Variants in LMOD1 observed in about 807,000 individuals in gnomAD.
LMOD1 encodes the protein leiomodin 1, also known as leiomodin-1.
In LMOD1, 8 loss-of-function variants were observed where a neutral mutation model predicts 36.5. The ratio of observed to expected loss-of-function variants is 0.22; its 90% CI spans 0.13 to 0.40. The LOEUF (loss-of-function observed/expected upper bound fraction) is 0.40, where lower values mean the gene tolerates loss of function less well. LMOD1 is among the 10% of genes least tolerant of loss of function. LMOD1 has a pLI of 1.00. For synonymous variants in LMOD1, 284 were observed against 288.7 expected, an observed-to-expected ratio of 0.98 and a Z score of 0.17; for missense variants, 630 against 751.1, an observed-to-expected ratio of 0.84 and a Z score of 1.88.
At chr1:201,912,539 C>G (rs1681510558) in intron 1 of LMOD1, among the ~76,000 whole-genome samples, 1 of 152,128 alleles carries the variant, frequency 6.6e-6, no homozygotes, top group Non-Finnish European at 1.5e-5. Flanking sequence ...ATAGTAGATG[C>G]TGAGAATTGC....
Position 201,897,119 on chromosome 1 carries a change from T to C in LMOD1, c.*1253A>G. On this transcript the variant is annotated 3_prime_UTR_variant, in exon 3 of 3. Coordinates refer to ENST00000367288, the MANE Select transcript of LMOD1 (RefSeq NM_012134.3). ...CCTGCAGTTGGGGCAGGAAGTGGAA[T>C]TGGTGAGCAGGTGGGGAGGGCTGGG... is the stretch of plus-strand genomic sequence containing the variant. 1 of 257,976 alleles carries C rather than the reference T, an allele frequency of 3.9e-6. No individual in the cohort carries two copies. The highest frequency in any genetic ancestry group is 9.5e-5 in the East Asian group (1 of 10,520). 16.0% of individuals were successfully genotyped at this position (257,976 alleles called of 1,614,324 possible).
intron 1 of LMOD1, among the ~76,000 whole-genome samples, chr1:201,938,659 C>A (rs1165336669): frequency 2.6e-5 from 4 of 152,190 alleles, no homozygotes. Context: ...AGGGGTCCTG[C>A]CAGCCCTGCC....
Position 201,899,807 on chromosome 1 carries a change from T to G in LMOD1, c.1206A>C (p.Lys402Asn). Residue 402 changes from lysine (K) to asparagine (N), a missense_variant, in exon 2 of 3, where the codon AAA becomes AAC. Coordinates refer to ENST00000367288, the MANE Select transcript of LMOD1 (RefSeq NM_012134.3). The surrounding 1 kb of genome is among the most constrained non-coding windows in gnomAD (Gnocchi z 6.3). ...LNLDSNHITG[K>N]GILAIFRALL... Reference sequence around the variant, plus strand: ...GGGCCCGGAAGATGGCCAGGATGCCTTTGCCTGTGATGTGGTTGGAGTCCA... The same window carrying G: ...GGGCCCGGAAGATGGCCAGGATGCCGTTGCCTGTGATGTGGTTGGAGTCCA... The G allele has an allele frequency of 6.2e-7, 1 of 1,613,984 alleles. No homozygotes were observed. The highest frequency in any genetic ancestry group is 2.2e-5 in the East Asian group (1 of 44,880).
chr1:201,901,616 ATATATG>A (rs1681320151), intron 1 of LMOD1, among the ~76,000 whole-genome samples: 1 of 30,568 alleles, frequency 3.3e-5, no homozygotes, highest in Non-Finnish European at 6.5e-5. Context: ...ATATACACAT[ATATATG>A]TGTGTGTGTA....
At chr1:201,902,507 C>T (rs1312669086) in intron 1 of LMOD1, among the ~76,000 whole-genome samples, 3 of 151,710 alleles carry the variant, frequency 2.0e-5, no homozygotes, top group Admixed American at 6.6e-5. Context: ...AGTGTGATGG[C>T]GCAATCTTGA....
At chr1:201,908,933 G>A (rs555468265) in intron 1 of LMOD1, among the ~76,000 whole-genome samples, 36 of 152,246 alleles carry the variant, frequency 2.4e-4, no homozygotes, top group Admixed American at 5.9e-4. Flanking sequence ...GACCCAATCC[G>A]CACCCAATAA....
intron 1 of LMOD1, among the ~76,000 whole-genome samples, chr1:201,933,972 C>G (rs1681972489): frequency 6.6e-6 from 1 of 152,116 alleles, no homozygotes; most frequent in African/African-American, 2.4e-5. Context: ...GCTTGCAAGT[C>G]CAGTGCTTGT....
chr1:201,925,152 C>A (rs189703162), intron 1 of LMOD1, among the ~76,000 whole-genome samples: 2 of 151,358 alleles, frequency 1.3e-5, no homozygotes, highest in East Asian at 3.9e-4. Flanking sequence ...GCAGAGGTTG[C>A]AGTGAGCTGA....
chr1:201,912,069 A>G (rs923138428), intron 1 of LMOD1, among the ~76,000 whole-genome samples: 1 of 152,184 alleles, frequency 6.6e-6, no homozygotes, highest in African/African-American at 2.4e-5. Flanking sequence ...TATGTGGAGC[A>G]CAGAGCCAGG....
Position 201,917,498 on chromosome 1 carries a change from T to G in LMOD1, c.262-16747A>C, listed in dbSNP as rs544559727. 7.9e-4 allele frequency among the ~76,000 whole-genome samples: 121 copies of G among 152,208 alleles called. 1 individual carries two copies. In the South Asian group the frequency reaches 0.024, roughly 31 times the overall value. The stretch of plus-strand genomic sequence containing the variant: ...ATCACTAGGGGGATGAAGGTTCTTG[T>G]GGCAGATCTTCTCGGCCAATGAAGG... On this transcript the variant is annotated intron_variant, in intron 1 of 2. Transcript: ENST00000367288.
At chr1:201,913,461 G>T (rs1681546313) in intron 1 of LMOD1, among the ~76,000 whole-genome samples, 2 of 152,118 alleles carry the variant, frequency 1.3e-5, no homozygotes, top group African/African-American at 4.8e-5. Context: ...CAAAAAATTA[G>T]CCGGGCATGG....
At chr1:201,903,848 T>C (rs1040128471) in intron 1 of LMOD1, among the ~76,000 whole-genome samples, 1 of 152,138 alleles carries the variant, frequency 6.6e-6, no homozygotes, top group Non-Finnish European at 1.5e-5. Context: ...AGCTTCCCTT[T>C]CCAGAGTTCC....
chr1:201,941,036 C>T (rs1482671446), intron 1 of LMOD1, among the ~76,000 whole-genome samples: 6 of 151,300 alleles, frequency 4.0e-5, no homozygotes, highest in African/African-American at 1.5e-4. Context: ...TGTGAGCCAC[C>T]GTGCCTGGCC....
chr1:201,920,045 C>CTCT (rs1449817584), intron 1 of LMOD1, among the ~76,000 whole-genome samples: 3 of 52,532 alleles, frequency 5.7e-5, no homozygotes, highest in African/African-American at 1.5e-4. Flanking sequence ...GGCTCTCTCT[C>CTCT]TTTTTTTTTT....
chr1:201,901,682 A>G (rs1681328565), intron 1 of LMOD1, among the ~76,000 whole-genome samples: 2 of 93,238 alleles, frequency 2.1e-5, no homozygotes, highest in Non-Finnish European at 4.7e-5. Context: ...ATACACATAT[A>G]TATATGTGTA....
chr1:201,900,220 T>C lies in LMOD1; in HGVS notation c.793A>G (p.Lys265Glu), dbSNP rs755855288. ...TTCTTGACTTTTTCATCGTCCTTTTTGGTGTCTGTGTTCCCAGTTCCTCTT... is the reference window on the plus strand; with the variant it reads ...TTCTTGACTTTTTCATCGTCCTTTTCGGTGTCTGTGTTCCCAGTTCCTCTT... ...VKRGTGNTDTKKDDEKVKKNE... is the reference protein window; with the variant it reads ...VKRGTGNTDTEKDDEKVKKNE... Residue 265 changes from lysine (K) to glutamate (E), a missense_variant, in exon 2 of 3, where the codon AAA becomes GAA. By Grantham distance (56) the Lys-to-Glu change is moderately conservative. Coordinates refer to ENST00000367288, the MANE Select transcript of LMOD1 (RefSeq NM_012134.3). The C allele has an allele frequency of 1.9e-6, 3 of 1,613,986 alleles. No individual in the cohort carries two copies. The highest frequency in any genetic ancestry group is 1.6e-4 in the Middle Eastern group (1 of 6,062).
At chr1:201,914,085 T>C (rs1681558748) in intron 1 of LMOD1, among the ~76,000 whole-genome samples, 1 of 152,096 alleles carries the variant, frequency 6.6e-6, no homozygotes, top group African/African-American at 2.4e-5. Flanking sequence ...CTTGACTGCT[T>C]CACCTCTTGT....
chr1:201,912,276 C>T (rs1681507966), intron 1 of LMOD1, among the ~76,000 whole-genome samples: 1 of 152,168 alleles, frequency 6.6e-6, no homozygotes, highest in Non-Finnish European at 1.5e-5. Context: ...GGCATTGCTC[C>T]ACCCCATTTT....
chr1:201,916,516 AAAAAC>A (rs71564168), intron 1 of LMOD1, among the ~76,000 whole-genome samples: 113,105 of 150,754 alleles, frequency 0.75, 43,325 homozygotes, highest in East Asian at 0.92. Context: ...CCCTGTCTCA[AAAAAC>A]AAAACAAAAC....
Sources: allele counts gnomAD v4.1 joint callset (sites outside exome capture counted in the v4.1 genomes callset), GRCh38; gene constraint gnomAD v4.1.1; non-coding constraint Gnocchi (gnomAD v3.1); transcripts MANE v1.5; gene names NCBI Gene and HGNC (gene_info 2026-07-23, HGNC 2026-07-21).